ANKRD30A: variants seen among roughly 807,000 people sequenced by gnomAD.
ANKRD30A encodes the protein ankyrin repeat domain 30A, also known as ankyrin repeat domain-containing protein 30A.
ANKRD30A carries 170 observed loss-of-function variants against 166.3 expected under a neutral mutation model. That is an observed-to-expected ratio of 1.02 (90% confidence interval 0.90 to 1.16). The LOEUF (loss-of-function observed/expected upper bound fraction) is 1.16, where lower values mean the gene tolerates loss of function less well. Among genes scored for constraint, ANKRD30A ranks in the 50% most tolerant of loss-of-function variants. The pLI is 0.00. For missense variants in ANKRD30A, 1,630 were observed against 1,518.0 expected (o/e 1.07, Z -1.23); for synonymous variants, 564 against 508.9 (o/e 1.11, Z -1.46).
chr10:37,206,950 A>G (rs975235556), intron 31 of ANKRD30A, among the ~76,000 whole-genome samples: 2 of 152,212 alleles, frequency 1.3e-5, no homozygotes, highest in African/African-American at 2.4e-5. Flanking sequence ...AAAAATGGTT[A>G]TACTTAATTA....
chr10:37,236,597 C>T (rs1843685378), downstream of ANKRD30A, among the ~76,000 whole-genome samples: 1 of 152,150 alleles, frequency 6.6e-6, no homozygotes, highest in East Asian at 1.9e-4. Context: ...CATGAGTCCT[C>T]ACATGGAAAC....
chr10:37,265,699 C>G, the ANKRD30A span, among the ~76,000 whole-genome samples: 5 of 152,200 alleles, frequency 3.3e-5, no homozygotes, highest in Non-Finnish European at 7.3e-5. Context: ...GGTGTTTCCA[C>G]CGACGTTTAA....
the ANKRD30A span, among the ~76,000 whole-genome samples, chr10:37,243,011 G>C: frequency 6.6e-6 from 1 of 151,844 alleles, no homozygotes; most frequent in Non-Finnish European, 1.5e-5. Context: ...TTTTATAATT[G>C]ATTTTGTATA....
At chr10:37,149,584 C>A in intron 9 of ANKRD30A, 67 bp from the exon 10 acceptor site, 1 of 1,530,692 alleles carries the variant, frequency 6.5e-7, no homozygotes, top group Admixed American at 1.7e-5. Flanking sequence ...CATACTATGA[C>A]TGCATTCATT....
intron 31 of ANKRD30A, among the ~76,000 whole-genome samples, chr10:37,201,981 C>T (rs1226583572): frequency 2.0e-5 from 3 of 152,076 alleles, no homozygotes; most frequent in South Asian, 2.1e-4. Context: ...TAACAATTCA[C>T]ACTGTGATTC....
At chr10:37,155,753 G>C (rs17590617) in intron 13 of ANKRD30A, among the ~76,000 whole-genome samples, 1 of 152,064 alleles carries the variant, frequency 6.6e-6, no homozygotes, top group South Asian at 2.1e-4. Context: ...CAACTGTTTA[G>C]TTTTTGTTCA....
At chr10:37,197,628 G>A in intron 29 of ANKRD30A, 148 bp downstream of exon 29, 1 of 1,297,606 alleles carries the variant, frequency 7.7e-7, no homozygotes, top group Non-Finnish European at 1.1e-6. Flanking sequence ...TGTTTGAAAA[G>A]CTGGTATTAC....
intron 31 of ANKRD30A, among the ~76,000 whole-genome samples, chr10:37,203,772 T>C (rs1052271743): frequency 4.6e-5 from 7 of 152,290 alleles, no homozygotes; most frequent in Admixed American, 3.9e-4. Context: ...TAAGCTGATA[T>C]AAGCAGCATC....
At chr10:37,156,405 C>T (rs768166197) in intron 13 of ANKRD30A, among the ~76,000 whole-genome samples, 2 of 152,126 alleles carry the variant, frequency 1.3e-5, no homozygotes, top group African/African-American at 2.4e-5. Flanking sequence ...GTGGTATTTT[C>T]CTACCCGGTT....
At chr10:37,138,619 G>A (rs1836882118) in intron 6 of ANKRD30A, among the ~76,000 whole-genome samples, 2 of 152,154 alleles carry the variant, frequency 1.3e-5, no homozygotes, top group South Asian at 4.1e-4. Context: ...CTGGAAGAAA[G>A]GGTATCAGTG....
At chr10:37,131,007 C>A (rs1836348811) in intron 3 of ANKRD30A, among the ~76,000 whole-genome samples, 1 of 151,998 alleles carries the variant, frequency 6.6e-6, no homozygotes, top group African/African-American at 2.4e-5. Flanking sequence ...TACATTAATT[C>A]ATTAATAATG....
intron 24 of ANKRD30A, among the ~76,000 whole-genome samples, chr10:37,183,094 C>T (rs1840142842): frequency 6.7e-6 from 1 of 149,154 alleles, no homozygotes; most frequent in African/African-American, 2.5e-5. Context: ...CATTAAATGG[C>T]AGCTGATATC....
At chr10:37,160,000 A>G (rs539658544) in intron 15 of ANKRD30A, among the ~76,000 whole-genome samples, 2 of 152,218 alleles carry the variant, frequency 1.3e-5, no homozygotes, top group Non-Finnish European at 1.5e-5. Context: ...TGCCCGGCCG[A>G]TGTCTGAAAT....
intron 6 of ANKRD30A, among the ~76,000 whole-genome samples, chr10:37,139,411 G>A (rs1424273429): frequency 6.6e-6 from 1 of 152,184 alleles, no homozygotes; most frequent in East Asian, 1.9e-4. Flanking sequence ...CAACACACCC[G>A]TGGGTAATTA....
chr10:37,157,263 T>G (rs1416686494), intron 13 of ANKRD30A, among the ~76,000 whole-genome samples: 1 of 152,218 alleles, frequency 6.6e-6, no homozygotes, highest in Non-Finnish European at 1.5e-5. Flanking sequence ...ATTGTAGGAT[T>G]CATTCCTTGA....
At chr10:37,160,497 A>G (rs1838767233) in intron 15 of ANKRD30A, among the ~76,000 whole-genome samples, 1 of 152,220 alleles carries the variant, frequency 6.6e-6, no homozygotes, top group South Asian at 2.1e-4. Flanking sequence ...ATCAGAAGTT[A>G]GAACAAAAAT....
chr10:37,245,808 G>A, the ANKRD30A span, among the ~76,000 whole-genome samples: 19 of 152,120 alleles, frequency 1.2e-4, no homozygotes, highest in Non-Finnish European at 2.4e-4. Flanking sequence ...CAAAATGTAT[G>A]TTTTTATGAC....
At chr10:37,223,722 C>T (rs190183163) in intron 34 of ANKRD30A, among the ~76,000 whole-genome samples, 30 of 151,146 alleles carry the variant, frequency 2.0e-4, no homozygotes, top group East Asian at 9.8e-4. Flanking sequence ...TGTTATAAAA[C>T]GGCTTTACAC....
downstream of ANKRD30A, among the ~76,000 whole-genome samples, chr10:37,233,059 G>T (rs1309200151): frequency 1.3e-5 from 2 of 151,850 alleles, no homozygotes; most frequent in Non-Finnish European, 2.9e-5. Context: ...TCTCTTTAAT[G>T]CAGAGAAAAA....
Sources: gnomAD v4.1 joint callset for allele counts (sites outside exome capture counted in the v4.1 genomes callset) on GRCh38, gnomAD v4.1.1 for gene constraint, MANE v1.5 for transcripts, NCBI Gene and HGNC (gene_info 2026-07-23, HGNC 2026-07-21) for gene names.